SLAIN1: variants seen among roughly 807,000 people sequenced by gnomAD.
SLAIN1 encodes the protein SLAIN motif-containing protein 1.
In SLAIN1, 17 loss-of-function variants were observed where a neutral mutation model predicts 55.4. The observed-to-expected ratio is 0.31, with a 90% confidence interval of 0.21 to 0.46. The LOEUF is 0.46. SLAIN1 is among the 20% of genes least tolerant of loss of function. The probability of loss-of-function intolerance (pLI) is 1.00; values close to 1 mark genes in which losing one functional copy is unlikely to be tolerated. For synonymous variants in SLAIN1, 348 were observed against 337.4 expected, an observed-to-expected ratio of 1.03 and a Z score of -0.35; for missense variants, 682 against 785.1, an observed-to-expected ratio of 0.87 and a Z score of 1.57.
At chr13:77,709,934 G>T (rs1416107302) in intron 1 of SLAIN1, among the ~76,000 whole-genome samples, 2 of 152,018 alleles carry the variant, frequency 1.3e-5, no homozygotes, top group African/African-American at 4.8e-5. Flanking sequence ...CCAGGCCTGG[G>T]TAATTTTTTG....
At chr13:77,709,406 C>T (rs1489038224) in intron 1 of SLAIN1, among the ~76,000 whole-genome samples, 4 of 152,058 alleles carry the variant, frequency 2.6e-5, no homozygotes, top group South Asian at 4.1e-4. Context: ...AGGAAATACA[C>T]AGAACACAAC....
intron 1 of SLAIN1, among the ~76,000 whole-genome samples, chr13:77,705,429 A>T (rs771857488): frequency 6.6e-6 from 1 of 151,982 alleles, no homozygotes; most frequent in African/African-American, 2.4e-5. Flanking sequence ...CTGAAAATTT[A>T]GATTAAGACT....
At position 77,758,176 on chromosome 13, in the gene SLAIN1, G is replaced by A. The variant is rs530850630; in HGVS notation, c.1415-2652G>A. Among the ~76,000 whole-genome samples, 10 of 152,178 alleles carry A rather than the reference G, an allele frequency of 6.6e-5. No individual in the cohort carries two copies. In the South Asian group the frequency reaches 1.9e-3, roughly 28 times the overall value. On this transcript the variant is annotated intron_variant, in intron 5 of 6. Coordinates refer to ENST00000418532, the MANE Select transcript of SLAIN1 (RefSeq NM_001242868.2). ...TGGTTTTAATTTGCATTTCCCTAATGATTAGTGATGTTGAACATTTTTTCA... is the reference window on the plus strand; with the variant it reads ...TGGTTTTAATTTGCATTTCCCTAATAATTAGTGATGTTGAACATTTTTTCA...
chr13:77,707,696 A>G lies in SLAIN1; in HGVS notation c.626+9157A>G, dbSNP rs1283038267. On this transcript the variant is annotated intron_variant, in intron 1 of 6. Coordinates refer to ENST00000418532, the MANE Select transcript of SLAIN1 (RefSeq NM_001242868.2). ...TTTTCTCTATGCATAAACCTTCTAT[A>G]CTCCTAGGAGATGTAAGCAAGGCAG... 2.6e-5 allele frequency among the ~76,000 whole-genome samples: 4 copies of G among 152,036 alleles called. No individual in the cohort carries two copies. In the East Asian group the frequency reaches 7.7e-4, roughly 29 times the overall value.
chr13:77,713,556 C>G (rs1226811306), intron 1 of SLAIN1, among the ~76,000 whole-genome samples: 1 of 152,200 alleles, frequency 6.6e-6, no homozygotes, highest in Non-Finnish European at 1.5e-5. Flanking sequence ...AATAGGAACA[C>G]TTTTACACTG....
At chr13:77,721,593 C>CT (rs1023770131) in intron 2 of SLAIN1, among the ~76,000 whole-genome samples, 1 of 151,626 alleles carries the variant, frequency 6.6e-6, no homozygotes, top group East Asian at 1.9e-4. Flanking sequence ...GGTCAACAAA[C>CT]TTTTTTTTGA....
chr13:77,734,511 G>A (rs1310457777), intron 2 of SLAIN1, among the ~76,000 whole-genome samples: 1 of 152,116 alleles, frequency 6.6e-6, no homozygotes, highest in East Asian at 1.9e-4. Flanking sequence ...TCCTGACCAA[G>A]CTTTTGAAGG....
At chr13:77,760,728 T>C in intron 5 of SLAIN1, 100 bp from the exon 6 acceptor site, 1 of 1,263,790 alleles carries the variant, frequency 7.9e-7, no homozygotes. Flanking sequence ...CTGTGTATAT[T>C]GTACTCTCAG....
At chr13:77,707,369 T>C (rs2091100830) in intron 1 of SLAIN1, among the ~76,000 whole-genome samples, 2 of 152,190 alleles carry the variant, frequency 1.3e-5, no homozygotes, top group African/African-American at 4.8e-5. Flanking sequence ...CTTGTGTGTG[T>C]GTGTGAATGT....
chr13:77,730,480 T>C (rs1872800276), intron 2 of SLAIN1, among the ~76,000 whole-genome samples: 1 of 152,198 alleles, frequency 6.6e-6, no homozygotes, highest in Non-Finnish European at 1.5e-5. Context: ...ATGTGACTAA[T>C]GTGAGAAATG....
intron 1 of SLAIN1, among the ~76,000 whole-genome samples, chr13:77,715,715 C>T (rs2091200275): frequency 6.6e-6 from 1 of 152,002 alleles, no homozygotes; most frequent in South Asian, 2.1e-4. Flanking sequence ...TAGCTGTTTG[C>T]CATAATAGGT....
At chr13:77,735,380 A>G (rs1018996471) in intron 2 of SLAIN1, among the ~76,000 whole-genome samples, 7 of 152,118 alleles carry the variant, frequency 4.6e-5, no homozygotes, top group South Asian at 2.1e-4. Context: ...CCTGTCAGCC[A>G]TCACTGCTGT....
chr13:77,710,986 T>A (rs1873626313), intron 1 of SLAIN1, among the ~76,000 whole-genome samples: 1 of 152,146 alleles, frequency 6.6e-6, no homozygotes, highest in African/African-American at 2.4e-5. Flanking sequence ...GAATGACTAC[T>A]GGGTAAATAA....
At chr13:77,727,123 C>T (rs999760596) in intron 2 of SLAIN1, among the ~76,000 whole-genome samples, 3 of 152,122 alleles carry the variant, frequency 2.0e-5, no homozygotes, top group South Asian at 2.1e-4. Context: ...TTTTTTCCCC[C>T]AGAACACTGG....
chr13:77,714,816 G>A (rs1200179370), intron 1 of SLAIN1, among the ~76,000 whole-genome samples: 1 of 151,938 alleles, frequency 6.6e-6, no homozygotes, highest in Non-Finnish European at 1.5e-5. Context: ...GTTTCCTGTG[G>A]CCCCTTGTTT....
chr13:77,734,372 G>C (rs1375888394), intron 2 of SLAIN1, among the ~76,000 whole-genome samples: 2 of 152,128 alleles, frequency 1.3e-5, no homozygotes, highest in African/African-American at 2.4e-5. Context: ...TGGAACTGAG[G>C]CTTGCATGCC....
chr13:77,703,489 C>T (rs78404957), intron 1 of SLAIN1, among the ~76,000 whole-genome samples: 2,169 of 152,138 alleles, frequency 0.014, 25 homozygotes, highest in Admixed American at 0.025. Context: ...TTTCTAGGAG[C>T]AAATGGAGTT....
rs373512489 is a variant in SLAIN1, at chr13:77,730,734, A to G, written c.766+11063A>G. On this transcript the variant is annotated intron_variant, in intron 2 of 6. Transcript: ENST00000418532. ...TATTTAAATTTACTAGGCTTTTGAA[A>G]TGCAGATTTGCTGTCATCGGGTGTG... 1.1e-4 allele frequency among the ~76,000 whole-genome samples: 16 copies of G among 152,298 alleles called. No homozygotes were observed. The East Asian group carries it at 2.7e-3, about 26-fold the overall frequency.
At chr13:77,705,224 T>A (rs2091077433) in intron 1 of SLAIN1, among the ~76,000 whole-genome samples, 1 of 151,806 alleles carries the variant, frequency 6.6e-6, no homozygotes, top group African/African-American at 2.4e-5. Flanking sequence ...ACATTCAGGG[T>A]TATCATGGGC....
Sources: allele counts gnomAD v4.1 joint callset (sites outside exome capture counted in the v4.1 genomes callset), GRCh38; gene constraint gnomAD v4.1.1; transcripts MANE v1.5; gene names NCBI Gene and HGNC (gene_info 2026-07-23, HGNC 2026-07-21).